The following LMO7 variants were observed in gnomAD, a reference collection of about 807,000 sequenced individuals.
The protein encoded by LMO7 is LIM domain only protein 7.
In LMO7, 120 loss-of-function variants were observed where a neutral mutation model predicts 206.5. The observed-to-expected ratio is 0.58, with a 90% CI of 0.50 to 0.68. The LOEUF (loss-of-function observed/expected upper bound fraction) is 0.68. LMO7 is among the 30% of genes least tolerant of loss of function. The pLI is 0.00. For missense variants in LMO7, 1,959 were observed against 1,957.9 expected, an observed-to-expected ratio of 1.00 and a Z score of -0.01; for synonymous variants, 706 against 681.5, an observed-to-expected ratio of 1.04 and a Z score of -0.56.
In LMO7 at chr13:75,853,327, T is replaced by C; in HGVS notation, c.4600T>C (p.Ser1534Pro). 1 of 1,613,586 alleles carries C rather than the reference T, an allele frequency of 6.2e-7. No individual in the cohort carries two copies. Among genetic ancestry groups the C allele is most frequent in the East Asian group, 2.2e-5 (1 of 44,858 alleles). ...CACCACAGGTGTGGCCACCACACAG[T>C]CCCCCACCCCGAGAAGCCATTCCCC... The part of the protein sequence containing the change: ...TSTTGVATTQ[S>P]PTPRSHSPSA... Residue 1534 changes from serine to proline, a missense_variant, in exon 28 of 31, where the codon TCC becomes CCC. Physicochemically the swap from Ser to Pro is moderately conservative, Grantham distance 74. Transcript: ENST00000377534.
intron 7 of LMO7, among the ~76,000 whole-genome samples, chr13:75,803,774 G>A (rs1351916852): frequency 6.6e-6 from 1 of 151,700 alleles, no homozygotes; most frequent in East Asian, 1.9e-4. Context: ...TCTAATGTGT[G>A]ATTCTGGTTT....
intron 2 of LMO7, among the ~76,000 whole-genome samples, chr13:75,726,819 A>G (rs548063045): frequency 6.6e-6 from 1 of 152,248 alleles, no homozygotes; most frequent in East Asian, 1.9e-4. Flanking sequence ...CATAAAGGAT[A>G]TAGACTATGG....
chr13:75,697,685 C>T lies in LMO7; in HGVS notation c.70-15497C>T, dbSNP rs115964143. ...ATGTGTATTGATCTTTTATATTTCT[C>T]AATATACCAGAAAGTATTTTAAGAT... On this transcript the variant is annotated intron_variant, in intron 1 of 30. Transcript: ENST00000377534. 5.3e-3 allele frequency among the ~76,000 whole-genome samples: 807 copies of T among 152,242 alleles called. 6 individuals are homozygous for T. Among genetic ancestry groups the T allele is most frequent in the African/African-American group, 0.019 (779 of 41,544 alleles).
At chr13:75,755,252 A>G (rs778596564) in intron 3 of LMO7, among the ~76,000 whole-genome samples, 1 of 152,140 alleles carries the variant, frequency 6.6e-6, no homozygotes, top group Non-Finnish European at 1.5e-5. Flanking sequence ...GTTTTTGCCC[A>G]TGAAATGTCC....
chr13:75,756,102 C>T (rs565872521), intron 3 of LMO7, among the ~76,000 whole-genome samples: 1 of 152,248 alleles, frequency 6.6e-6, no homozygotes, highest in East Asian at 1.9e-4. Flanking sequence ...TTGTAAAATT[C>T]TTTAAGTTCT....
At chr13:75,809,041 T>G in intron 10 of LMO7, 113 bp from the exon 11 acceptor site, 1 of 795,686 alleles carries the variant, frequency 1.3e-6, no homozygotes, top group Non-Finnish European at 2.2e-6. Flanking sequence ...AGAAGTGACC[T>G]TTTGAGATTT....
intron 1 of LMO7, among the ~76,000 whole-genome samples, chr13:75,690,938 A>G (rs1566313979): frequency 6.6e-6 from 1 of 152,238 alleles, no homozygotes; most frequent in Non-Finnish European, 1.5e-5. Flanking sequence ...GGAAATTTTC[A>G]GAGAATGTGT....
At chr13:75,642,442 C>CAA (rs5804829) in intron 1 of LMO7, among the ~76,000 whole-genome samples, 2,438 of 71,668 alleles carry the variant, frequency 0.034, 47 homozygotes, top group Middle Eastern at 0.11. Context: ...CCATCTCTAC[C>CAA]AAAAAAAAAA....
At chr13:75,647,951 C>CTTTCTTTTTTTTTTTTTTTTTTTTTTTTT (rs1555286938) in intron 1 of LMO7, among the ~76,000 whole-genome samples, 1 of 91,126 alleles carries the variant, frequency 1.1e-5, no homozygotes, top group Non-Finnish European at 2.0e-5. Flanking sequence ...TCTTTTCTTT[C>CTTTCTTTTTTTTTTTTTTTTTTTTTTTTT]TTTTTTTTTT....
intron 3 of LMO7, among the ~76,000 whole-genome samples, chr13:75,755,133 C>G (rs1300315135): frequency 1.3e-5 from 2 of 152,066 alleles, no homozygotes; most frequent in African/African-American, 2.4e-5. Context: ...AGGAGACAGA[C>G]TTGCAGAGTG....
At chr13:75,747,149 G>A (rs1449641377) in intron 3 of LMO7, among the ~76,000 whole-genome samples, 3 of 151,940 alleles carry the variant, frequency 2.0e-5, no homozygotes, top group Admixed American at 1.3e-4. Context: ...TGATATTTTA[G>A]TTGGAAAAAA....
chr13:75,648,090 G>A (rs1004808845), intron 1 of LMO7, among the ~76,000 whole-genome samples: 1 of 151,056 alleles, frequency 6.6e-6, no homozygotes, highest in African/African-American at 2.4e-5. Context: ...TGGGGCTATC[G>A]GTGCACCACC....
intron 3 of LMO7, among the ~76,000 whole-genome samples, chr13:75,727,629 TTTA>T (rs1238611972): frequency 6.6e-6 from 1 of 152,120 alleles, no homozygotes; most frequent in Non-Finnish European, 1.5e-5. Flanking sequence ...TTTCTCTTTT[TTTA>T]TTATTATTAT....
At chr13:75,663,374 A>T (rs1359093250) in intron 1 of LMO7, among the ~76,000 whole-genome samples, 1 of 151,002 alleles carries the variant, frequency 6.6e-6, no homozygotes, top group African/African-American at 2.4e-5. Flanking sequence ...GGAATAGAGA[A>T]AGGTGAATGT....
intron 4 of LMO7, among the ~76,000 whole-genome samples, chr13:75,782,758 GCTCCAATCTC>G (rs1459326421): frequency 6.6e-6 from 1 of 152,134 alleles, no homozygotes; most frequent in Non-Finnish European, 1.5e-5. Context: ...CTGCATCACT[GCTCCAATCTC>G]TGCCTCTGTG....
intron 4 of LMO7, among the ~76,000 whole-genome samples, chr13:75,778,157 T>C (rs955902976): frequency 7.9e-5 from 12 of 152,232 alleles, no homozygotes; most frequent in African/African-American, 2.9e-4. Flanking sequence ...TTCAGACATC[T>C]TATGAAAGTA....
upstream of LMO7, among the ~76,000 whole-genome samples, chr13:75,633,201 A>C (rs112089726): frequency 6.6e-6 from 1 of 152,040 alleles, no homozygotes; most frequent in Non-Finnish European, 1.5e-5. Context: ...AGAGAGAAAT[A>C]TCTTTCCATT....
chr13:75,782,684 T>A (rs527456723), intron 4 of LMO7, among the ~76,000 whole-genome samples: 1 of 152,336 alleles, frequency 6.6e-6, no homozygotes, highest in East Asian at 1.9e-4. Context: ...TTCTTGCAGC[T>A]CCAGGGGAGA....
At chr13:75,696,705 A>G (rs1330781756) in intron 1 of LMO7, among the ~76,000 whole-genome samples, 3 of 152,118 alleles carry the variant, frequency 2.0e-5, no homozygotes, top group Non-Finnish European at 1.5e-5. Context: ...TCTTCTACAC[A>G]CTGAACCCTG....
Sources: gnomAD v4.1 joint callset for allele counts (sites outside exome capture counted in the v4.1 genomes callset) on GRCh38, gnomAD v4.1.1 for gene constraint, MANE v1.5 for transcripts, NCBI Gene and HGNC (gene_info 2026-07-23, HGNC 2026-07-21) for gene names.